The following DNAH7 variants were observed in gnomAD, a reference collection of about 807,000 sequenced individuals.
DNAH7 encodes the protein dynein axonemal heavy chain 7.
In DNAH7, 397 loss-of-function variants were observed where a neutral mutation model predicts 444.6. That is an observed-to-expected ratio of 0.89 (90% CI 0.82 to 0.97). The LOEUF (loss-of-function observed/expected upper bound fraction) is 0.97. Ranked by LOEUF, DNAH7 falls within the 50% of genes least tolerant of loss-of-function variation. DNAH7 has a pLI of 0.00. For synonymous variants in DNAH7, 1,636 were observed against 1,624.4 expected (o/e 1.01, Z -0.17); for missense variants, 4,902 against 4,800.8 (o/e 1.02, Z -0.62).
chr2:195,922,110 G>A lies in DNAH7; in HGVS notation c.3913C>T (p.Pro1305Ser). The A allele has an allele frequency of 1.2e-6, 2 of 1,606,444 alleles. No homozygotes were observed. The highest frequency in any genetic ancestry group is 1.1e-5 in the South Asian group (1 of 90,868). ...TACCTGTAACATCTATCCGTGAGTGGTGTAATAACCAGCCTAGGGGAATTA... is the reference window on the plus strand; with the variant it reads ...TACCTGTAACATCTATCCGTGAGTGATGTAATAACCAGCCTAGGGGAATTA... ...LGNSPRLVIT[P>S]LTDRCYRTLF... The change falls in exon 24 of 65, where the codon CCA (proline) becomes TCA (serine). Residue 1305 changes from proline to serine, a missense_variant. Transcript: ENST00000312428.
At chr2:196,033,613 T>C (rs980444745) in intron 5 of DNAH7, among the ~76,000 whole-genome samples, 8 of 152,206 alleles carry the variant, frequency 5.3e-5, no homozygotes, top group African/African-American at 1.9e-4. Flanking sequence ...CCAAGTTAAA[T>C]GATAAAATTT....
In DNAH7 at chr2:195,857,519, C is replaced by T. The variant is rs1281592868; in HGVS notation, c.8272G>A (p.Asp2758Asn). ...TTCATATAAGCTGGAGGAATATTGT[C>T]CTTGTCATATTCATGAAGTGACTGC... ...FLQSLHEYDK[D>N]NIPPAYMNII... The change falls in exon 44 of 65, where the codon GAC (aspartate) becomes AAC (asparagine). Residue 2758 changes from aspartate to asparagine, a missense_variant. Transcript: ENST00000312428. The T allele has an allele frequency of 5.0e-6, 8 of 1,613,752 alleles. No homozygotes were observed. The highest frequency in any genetic ancestry group is 5.9e-6 in the Non-Finnish European group (7 of 1,179,896).
rs376689272 is a variant in DNAH7, at chr2:195,988,241, G to C, written c.1354-12C>G. 1.9e-6 allele frequency: 3 copies of C among 1,566,900 alleles called. No homozygotes were observed. The highest frequency in any genetic ancestry group is 2.8e-5 in the African/African-American group (2 of 72,200). ...TTAGACTTACTTTCCTAAACAAGGGGGTAAAAATAATAGTATTTAAAATAT... is the reference window on the plus strand; with the variant it reads ...TTAGACTTACTTTCCTAAACAAGGGCGTAAAAATAATAGTATTTAAAATAT... On this transcript the variant is annotated splice_polypyrimidine_tract_variant and intron_variant, in intron 12 of 64. Transcript: ENST00000312428.
intron 1 of DNAH7, among the ~76,000 whole-genome samples, chr2:196,059,571 A>G (rs562650699): frequency 8.1e-4 from 124 of 152,274 alleles, no homozygotes; most frequent in African/African-American, 2.9e-3. Context: ...GCTTTTTCTC[A>G]TAGCTCCCAT....
rs72917283 is a variant in DNAH7 at position 196,034,333 on chromosome 2, G to T, written c.399-6286C>A. ...TGGGATTACATTTTTAAAAAGAAGG[G>T]CAAGATTTCTACACAAAAATGTATA... On this transcript the variant is annotated intron_variant, in intron 5 of 64. Transcript: ENST00000312428. Among the ~76,000 whole-genome samples the T allele has an allele frequency of 6.5e-3, 995 of 152,104 alleles. 3 individuals carry two copies. Among genetic ancestry groups the T allele is most frequent in the Non-Finnish European group, 9.3e-3 (635 of 67,968 alleles).
At chr2:195,784,930 A>T (rs58541805) in intron 58 of DNAH7, among the ~76,000 whole-genome samples, 8,685 of 105,720 alleles carry the variant, frequency 0.082, 343 homozygotes, top group African/African-American at 0.15. Flanking sequence ...TTTTTTTTTG[A>T]GATGGAGTCT....
At chr2:195,849,717 C>T (rs1205811153) in intron 46 of DNAH7, among the ~76,000 whole-genome samples, 2 of 152,140 alleles carry the variant, frequency 1.3e-5, no homozygotes, top group Admixed American at 6.5e-5. Flanking sequence ...CCACCCACCT[C>T]AGCCTCCAAG....
At chr2:196,005,568 G>C (rs1282807272) in intron 10 of DNAH7, among the ~76,000 whole-genome samples, 1 of 151,752 alleles carries the variant, frequency 6.6e-6, no homozygotes, top group Non-Finnish European at 1.5e-5. Context: ...GAATTAAAAG[G>C]GAATATAATA....
intron 2 of DNAH7, among the ~76,000 whole-genome samples, chr2:196,051,513 A>T (rs1353966219): frequency 6.6e-6 from 1 of 152,218 alleles, no homozygotes; most frequent in Non-Finnish European, 1.5e-5. Context: ...GGTGGCTGTA[A>T]TCCCAGCACT....
At chr2:195,739,606 C>T (rs1016239260) in intron 64 of DNAH7, among the ~76,000 whole-genome samples, 3 of 152,182 alleles carry the variant, frequency 2.0e-5, no homozygotes, top group African/African-American at 7.2e-5. Flanking sequence ...GCAAATTTCA[C>T]ATTTTCAAGT....
chr2:196,048,245 C>T, intron 4 of DNAH7, 51 bp downstream of exon 4: 1 of 1,458,408 alleles, frequency 6.9e-7, no homozygotes, highest in African/African-American at 1.4e-5. Context: ...ATTGTCTGGT[C>T]TCTCTCTACA....
At chr2:195,822,129 T>G (rs1314631383) in intron 49 of DNAH7, among the ~76,000 whole-genome samples, 2 of 152,216 alleles carry the variant, frequency 1.3e-5, no homozygotes, top group Non-Finnish European at 2.9e-5. Context: ...GAAAACTCAT[T>G]AAATGTTATG....
intron 5 of DNAH7, among the ~76,000 whole-genome samples, chr2:196,047,145 C>T (rs150764580): frequency 2.0e-4 from 30 of 152,262 alleles, no homozygotes; most frequent in Middle Eastern, 6.8e-3. Context: ...ATTAACATTG[C>T]TACCTTTACA....
At chr2:195,967,443 T>C (rs1691557688) in intron 17 of DNAH7, among the ~76,000 whole-genome samples, 1 of 152,226 alleles carries the variant, frequency 6.6e-6, no homozygotes, top group Non-Finnish European at 1.5e-5. Flanking sequence ...GTGCTTATTA[T>C]TACCAGTGAG....
intron 54 of DNAH7, among the ~76,000 whole-genome samples, chr2:195,805,517 C>A (rs199566139): frequency 6.6e-6 from 1 of 152,034 alleles, no homozygotes; most frequent in Non-Finnish European, 1.5e-5. Flanking sequence ...GGATGTCTCA[C>A]CAGGGTCATA....
At chr2:196,002,139 T>C (rs1322215883) in intron 10 of DNAH7, among the ~76,000 whole-genome samples, 1 of 152,188 alleles carries the variant, frequency 6.6e-6, no homozygotes, top group Non-Finnish European at 1.5e-5. Flanking sequence ...TAAAGAAATA[T>C]AGAACTAACT....
chr2:195,850,285 G>GA (rs752727865), intron 46 of DNAH7, among the ~76,000 whole-genome samples: 20,131 of 137,464 alleles, frequency 0.15, 2,622 homozygotes, highest in African/African-American at 0.36. Context: ...ATAAGGTCAT[G>GA]AAAAAAAAAA....
At position 195,960,531 on chromosome 2, in the gene DNAH7, A is replaced by T; in HGVS notation, c.2620T>A (p.Ser874Thr). 1 of 1,614,188 alleles carries T rather than the reference A, an allele frequency of 6.2e-7. No homozygotes were observed. ...PLQPSDDSTV[S>T]SFLDMNLEPY... ...TCCAGATTCATGTCTAAAAAAGAGG[A>T]GACTGTGGAGTCATCTGATGGCTGC... The change falls in exon 18 of 65, where the codon TCC (serine) becomes ACC (threonine). Residue 874 changes from serine (S) to threonine (T), a missense_variant. Physicochemically the swap from Ser to Thr is moderately conservative, Grantham distance 58 (BLOSUM62 1). Transcript: ENST00000312428.
Position 195,987,136 on chromosome 2 carries a change from T to A in DNAH7, c.1684A>T (p.Lys562Ter). Reference protein sequence around the residue: ...HCEELIRALVKRADIICGKLL... With the variant: ...HCEELIRALV ...TTCCCACAAATAATATCTGCTCGCT[T>A]CACCAAAGCTCTGATTAATTCCTCA... The change falls in exon 14 of 65, where the codon AAG (lysine) becomes TAG (stop). Residue 562 changes from lysine (K) to a stop codon, truncating the protein, a stop_gained. Transcript: ENST00000312428. LOFTEE classifies it high-confidence loss of function. 1 of 1,608,106 alleles carries A rather than the reference T, an allele frequency of 6.2e-7. No individual in the cohort carries two copies. Among genetic ancestry groups the A allele is most frequent in the Non-Finnish European group, 8.5e-7 (1 of 1,177,748 alleles).
Sources: allele counts gnomAD v4.1 joint callset (sites outside exome capture counted in the v4.1 genomes callset), GRCh38; gene constraint gnomAD v4.1.1; transcripts MANE v1.5; gene names NCBI Gene and HGNC (gene_info 2026-07-23, HGNC 2026-07-21).